RTN4RL1: variants seen among roughly 807,000 people sequenced by gnomAD.
RTN4RL1 encodes the protein reticulon-4 receptor-like 1.
Under a neutral mutation model 25.6 loss-of-function variants are expected in RTN4RL1, and 7 were observed. The observed-to-expected ratio is 0.27, with a 90% CI of 0.16 to 0.51. The LOEUF (loss-of-function observed/expected upper bound fraction) is 0.51, where lower values mean the gene tolerates loss of function less well. RTN4RL1 is among the 20% of genes least tolerant of loss of function. The probability of loss-of-function intolerance (pLI) is 0.97; values close to 1 mark genes in which losing one functional copy is unlikely to be tolerated. For missense variants in RTN4RL1, 500 were observed against 615.6 expected, an observed-to-expected ratio of 0.81 and a Z score of 1.99; for synonymous variants, 297 against 288.2, an observed-to-expected ratio of 1.03 and a Z score of -0.31.
At chr17:1,958,218 C>A (rs182034604) in intron 1 of RTN4RL1, among the ~76,000 whole-genome samples, 106 of 152,044 alleles carry the variant, frequency 7.0e-4, no homozygotes, top group African/African-American at 2.4e-3. Flanking sequence ...AAAACCAAAG[C>A]GAAGTGATTT....
chr17:2,000,974 T>C (rs2066954437), intron 1 of RTN4RL1, among the ~76,000 whole-genome samples: 1 of 152,098 alleles, frequency 6.6e-6, no homozygotes, highest in Admixed American at 6.6e-5. Flanking sequence ...TGGAGGGTCA[T>C]GGAATAGGAG....
chr17:1,958,224 G>T (rs933224084), intron 1 of RTN4RL1, among the ~76,000 whole-genome samples: 1 of 152,034 alleles, frequency 6.6e-6, no homozygotes, highest in South Asian at 2.1e-4. Context: ...AAAGCGAAGT[G>T]ATTTGTCCAA....
chr17:1,948,086 C>A (rs2151306546), intron 1 of RTN4RL1, among the ~76,000 whole-genome samples: 1 of 152,344 alleles, frequency 6.6e-6, no homozygotes, highest in Non-Finnish European at 1.5e-5. Flanking sequence ...CCCTGATGCA[C>A]CCAACCCGCC....
rs574763132 is a variant in RTN4RL1 at position 1,980,690 on chromosome 17, G to A, written c.14-42882C>T. The stretch of plus-strand genomic sequence containing the variant: ...CCTTATCAAAGTGGAGCATTTGGGA[G>A]GCTGAGGCGGGCGGATCACCTGAGG... On this transcript the variant is annotated intron_variant, in intron 1 of 1. Transcript: ENST00000331238. Among the ~76,000 whole-genome samples, 371 of 152,196 alleles carry A rather than the reference G, an allele frequency of 2.4e-3. 3 individuals carry two copies. The highest frequency in any genetic ancestry group is 8.6e-3 in the African/African-American group (357 of 41,524).
intron 1 of RTN4RL1, among the ~76,000 whole-genome samples, chr17:1,980,369 C>T (rs2066862017): frequency 6.6e-6 from 1 of 151,954 alleles, no homozygotes; most frequent in Non-Finnish European, 1.5e-5. Context: ...CCATGCCTGG[C>T]CTGATATGTT....
intron 1 of RTN4RL1, among the ~76,000 whole-genome samples, chr17:1,978,448 G>C (rs375883919): frequency 2.4e-3 from 367 of 152,332 alleles, no homozygotes; most frequent in African/African-American, 8.4e-3. Flanking sequence ...AGGCTTGGCC[G>C]ACCGTCCGCA....
intron 1 of RTN4RL1, among the ~76,000 whole-genome samples, chr17:1,968,634 A>G (rs4239064): frequency 0.41 from 61,543 of 151,416 alleles, 12,797 homozygotes; most frequent in Admixed American, 0.54. Flanking sequence ...GTTCCCTCCC[A>G]TCCCCGGGCC....
chr17:1,964,425 CA>C (rs2066779750), intron 1 of RTN4RL1, among the ~76,000 whole-genome samples: 1 of 151,892 alleles, frequency 6.6e-6, no homozygotes, highest in South Asian at 2.1e-4. Flanking sequence ...CCCATCTCTA[CA>C]AAAAATTTAA....
chr17:1,995,027 CCT>C (rs1202571189), intron 1 of RTN4RL1, among the ~76,000 whole-genome samples: 1 of 152,126 alleles, frequency 6.6e-6, no homozygotes, highest in Non-Finnish European at 1.5e-5. Flanking sequence ...ATGTGGTTCC[CCT>C]GTGCTTACAG....
At chr17:1,957,181 T>C (rs1470076780) in intron 1 of RTN4RL1, among the ~76,000 whole-genome samples, 2 of 152,264 alleles carry the variant, frequency 1.3e-5, no homozygotes, top group Admixed American at 6.5e-5. Flanking sequence ...TTAGATCAGA[T>C]TGGTTGAGTC....
chr17:1,967,733 A>G (rs1051903228), intron 1 of RTN4RL1, among the ~76,000 whole-genome samples: 1 of 151,684 alleles, frequency 6.6e-6, no homozygotes, highest in Non-Finnish European at 1.5e-5. Flanking sequence ...TCCTCCTCCC[A>G]GGTTTAAGCG....
intron 1 of RTN4RL1, among the ~76,000 whole-genome samples, chr17:2,016,713 C>T (rs954339371): frequency 6.6e-6 from 1 of 152,210 alleles, no homozygotes; most frequent in African/African-American, 2.4e-5. Flanking sequence ...AGCAGGCGGG[C>T]AGGCGGGAGG....
intron 1 of RTN4RL1, among the ~76,000 whole-genome samples, chr17:1,939,307 C>T (rs1272374825): frequency 4.6e-5 from 7 of 151,604 alleles, no homozygotes; most frequent in East Asian, 3.9e-4. Context: ...GAGCTGAGAT[C>T]GTGCCACTGC....
intron 1 of RTN4RL1, among the ~76,000 whole-genome samples, chr17:1,943,622 A>T (rs949788759): frequency 1.1e-4 from 16 of 152,130 alleles, no homozygotes; most frequent in Non-Finnish European, 1.5e-4. Flanking sequence ...TGCTGGTCAG[A>T]TAACAGCCTC....
intron 1 of RTN4RL1, among the ~76,000 whole-genome samples, chr17:1,991,472 A>ACAAACAAAC (rs1567518485): frequency 2.7e-5 from 4 of 149,580 alleles, no homozygotes; most frequent in African/African-American, 9.9e-5. Context: ...AACAAAAAAA[A>ACAAACAAAC]ACTTCAAAGA....
chr17:1,945,619 G>A (rs1915520747), intron 1 of RTN4RL1, among the ~76,000 whole-genome samples: 1 of 152,172 alleles, frequency 6.6e-6, no homozygotes, highest in Admixed American at 6.5e-5. Flanking sequence ...CCAAAGTGCT[G>A]GGATAACCGT....
At chr17:1,990,849 C>T (rs956612357) in intron 1 of RTN4RL1, among the ~76,000 whole-genome samples, 2 of 152,200 alleles carry the variant, frequency 1.3e-5, no homozygotes, top group African/African-American at 2.4e-5. Context: ...ACTGTTGTTT[C>T]GCTCTACCTC....
At chr17:1,937,925 T>A in intron 1 of RTN4RL1, 117 bp from the exon 2 acceptor site, 3 of 855,068 alleles carry the variant, frequency 3.5e-6, no homozygotes, top group Non-Finnish European at 5.3e-6. Flanking sequence ...GTGAGAGCCT[T>A]GTCCCTGGCT....
rs1268591114 is a variant in RTN4RL1 at position 1,944,546 on chromosome 17, T to G, written c.14-6738A>C. On this transcript the variant is annotated intron_variant, in intron 1 of 1. Transcript: ENST00000331238. Reference sequence around the variant, plus strand: ...TCTCGGCTCACTGCAACTTCCAACCTCCTGAGTTCAAGTGATTCTCCTGCC... The same window carrying G: ...TCTCGGCTCACTGCAACTTCCAACCGCCTGAGTTCAAGTGATTCTCCTGCC... 3.9e-5 allele frequency among the ~76,000 whole-genome samples: 6 copies of G among 152,064 alleles called. No individual in the cohort carries two copies. In the East Asian group the frequency reaches 9.6e-4, roughly 24 times the overall value.
Sources: gnomAD v4.1 joint callset for allele counts (sites outside exome capture counted in the v4.1 genomes callset) on GRCh38, gnomAD v4.1.1 for gene constraint, MANE v1.5 for transcripts, NCBI Gene and HGNC (gene_info 2026-07-23, HGNC 2026-07-21) for gene names.